The following FRYL variants were observed in gnomAD, a reference collection of about 807,000 sequenced individuals.
FRYL encodes protein furry homolog-like.
In FRYL, 150 loss-of-function variants were observed where a neutral mutation model predicts 351.2. That is an observed-to-expected ratio of 0.43 (90% CI 0.37 to 0.49). FRYL has a LOEUF of 0.49. Ranked by LOEUF, FRYL falls within the 20% of genes least tolerant of loss-of-function variation. The probability of loss-of-function intolerance (pLI) is 0.00; values close to 1 mark genes in which losing one functional copy is unlikely to be tolerated. For synonymous variants in FRYL, 1,153 were observed against 1,257.1 expected (o/e 0.92, Z 1.75); for missense variants, 3,036 against 3,619.3 (o/e 0.84, Z 4.13).
At chr4:48,586,939 A>G (rs533706033) in intron 18 of FRYL, among the ~76,000 whole-genome samples, 2 of 152,248 alleles carry the variant, frequency 1.3e-5, no homozygotes, top group South Asian at 4.1e-4. Context: ...CCAGCAAACA[A>G]AAAGGTTTTC....
chr4:48,715,389 A>C (rs1418290906), intron 1 of FRYL, among the ~76,000 whole-genome samples: 1 of 152,228 alleles, frequency 6.6e-6, no homozygotes, highest in Non-Finnish European at 1.5e-5. Flanking sequence ...GTCTCAGCCC[A>C]AAATCTCCTC....
chr4:48,549,576 G>C lies in FRYL; in HGVS notation c.4681C>G (p.His1561Asp). 6.2e-7 allele frequency: 1 copy of C among 1,613,376 alleles called. No homozygotes were observed. Among genetic ancestry groups the C allele is most frequent in the Non-Finnish European group, 8.5e-7 (1 of 1,179,566 alleles). The change falls in exon 39 of 64, where the codon CAT becomes GAT. Residue 1561 changes from histidine to aspartate, a missense_variant. Physicochemically the swap from His to Asp is moderately conservative, Grantham distance 81. Transcript: ENST00000358350. The surrounding 1 kb of genome is among the most constrained non-coding windows in gnomAD (Gnocchi z 4.2). Reference protein sequence around the residue: ...YSNWRLKVMEHNQGEPLPFPP... With the variant: ...YSNWRLKVMEDNQGEPLPFPP... Reference sequence around the variant, plus strand: ...AAGGGCAGTGGCTCTCCTTGGTTATGCTCCATCACTTTCAGTCGCCAATTA... The same window carrying C: ...AAGGGCAGTGGCTCTCCTTGGTTATCCTCCATCACTTTCAGTCGCCAATTA...
Position 48,647,586 on chromosome 4 carries a change from CACTA to C in FRYL, c.-80-13100_-80-13097del, listed in dbSNP as rs377393098. On this transcript the variant is annotated intron_variant, in intron 3 of 63. Coordinates refer to ENST00000358350, the MANE Select transcript of FRYL (RefSeq NM_015030.2). ...CGATAATCAGCTGTACTTCTCACAA[CACTA>C]ACTGTTTAGTCTCAAAAATGAAATG... Among the ~76,000 whole-genome samples, 431 of 152,262 alleles carry C rather than the reference CACTA, an allele frequency of 2.8e-3. 1 individual carries two copies. The highest frequency in any genetic ancestry group is 9.8e-3 in the African/African-American group (409 of 41,542).
At chr4:48,586,871 G>A in intron 18 of FRYL, 143 bp from the exon 19 acceptor site, 1 of 561,472 alleles carries the variant, frequency 1.8e-6, no homozygotes, top group Non-Finnish European at 3.1e-6. Flanking sequence ...CATAAATCCT[G>A]TAGATAATTA....
At chr4:48,694,763 A>G (rs1765993735) in intron 2 of FRYL, among the ~76,000 whole-genome samples, 1 of 152,158 alleles carries the variant, frequency 6.6e-6, no homozygotes. Context: ...TAATTTGTAA[A>G]TCCCTGGCCC....
At chr4:48,645,123 T>TC (rs1400437787) in intron 3 of FRYL, among the ~76,000 whole-genome samples, 1 of 40,162 alleles carries the variant, frequency 2.5e-5, no homozygotes, top group Admixed American at 2.7e-4. Context: ...GAGCTTTCAT[T>TC]TTATATATAT....
At chr4:48,660,572 C>G (rs1254790720) in intron 3 of FRYL, among the ~76,000 whole-genome samples, 1 of 152,194 alleles carries the variant, frequency 6.6e-6, no homozygotes, top group Non-Finnish European at 1.5e-5. Flanking sequence ...CTCTAATGAG[C>G]TTCCAGGGTT....
At position 48,581,490 on chromosome 4, in the gene FRYL, G is replaced by A; in HGVS notation, c.2102C>T (p.Ala701Val). 2 of 1,613,956 alleles carry A rather than the reference G, an allele frequency of 1.2e-6. No individual in the cohort carries two copies. Among genetic ancestry groups the A allele is most frequent in the South Asian group, 1.1e-5 (1 of 91,046 alleles). ...ALVILCSSRP[A>V]TRRLAVSVLR... Reference sequence around the variant, plus strand: ...GACACTGACGGCTAGTCTCCTAGTGGCAGGTCGACTGCTACAGAGAATGAC... The same window carrying A: ...GACACTGACGGCTAGTCTCCTAGTGACAGGTCGACTGCTACAGAGAATGAC... The change falls in exon 21 of 64, where the codon GCC becomes GTC. Residue 701 changes from alanine (A) to valine (V), a missense_variant. Coordinates refer to ENST00000358350, the MANE Select transcript of FRYL (RefSeq NM_015030.2).
chr4:48,501,812 ATTGTC>A (rs1719735193), intron 61 of FRYL, 79 bp from the exon 62 acceptor site: 9 of 906,132 alleles, frequency 9.9e-6, no homozygotes, highest in African/African-American at 3.3e-5. Flanking sequence ...TATAGTTAAA[ATTGTC>A]TTGTCGTTTA....
chr4:48,750,743 G>A (rs1773171720), intron 1 of FRYL, among the ~76,000 whole-genome samples: 1 of 152,168 alleles, frequency 6.6e-6, no homozygotes, highest in African/African-American at 2.4e-5. Context: ...TTATGGAGAG[G>A]GAGCTGGGGA....
At chr4:48,768,480 A>G (rs1485833831) in intron 1 of FRYL, among the ~76,000 whole-genome samples, 1 of 152,180 alleles carries the variant, frequency 6.6e-6, no homozygotes, top group Non-Finnish European at 1.5e-5. Context: ...AGGACCTAGG[A>G]CTTGGTGAAG....
rs1002993662 is a variant in FRYL, at chr4:48,499,810, A to G, written c.8784-130T>C. Reference sequence around the variant, plus strand: ...ATGATCTGTTTTAATATTTGAGCAAATATTACTCAAAGTACCACCTGAATT... The same window carrying G: ...ATGATCTGTTTTAATATTTGAGCAAGTATTACTCAAAGTACCACCTGAATT... On this transcript the variant is annotated intron_variant, in intron 63 of 63. Coordinates refer to ENST00000358350, the MANE Select transcript of FRYL (RefSeq NM_015030.2). 9.6e-6 allele frequency: 9 copies of G among 935,596 alleles called. No individual in the cohort carries two copies. The African/African-American group carries it at 1.3e-4, about 14-fold the overall frequency. The allele number at this position is 935,596 out of a possible 1,614,324, so 58.0% of individuals were successfully genotyped here.
chr4:48,585,553 T>C (rs1741930335), intron 19 of FRYL, among the ~76,000 whole-genome samples: 1 of 152,246 alleles, frequency 6.6e-6, no homozygotes, highest in Non-Finnish European at 1.5e-5. Flanking sequence ...TATTTGTTTT[T>C]TTCATCTAGG....
intron 1 of FRYL, among the ~76,000 whole-genome samples, chr4:48,722,848 A>C (rs1339392735): frequency 2.0e-5 from 3 of 152,224 alleles, no homozygotes; most frequent in Non-Finnish European, 2.9e-5. Context: ...CAATAAGACT[A>C]AGCAAGCCAA....
chr4:48,710,759 A>T (rs1410527670), intron 1 of FRYL, 61 bp from the exon 2 acceptor site: 4 of 395,206 alleles, frequency 1.0e-5, no homozygotes, highest in Non-Finnish European at 1.8e-5. Context: ...CAACATGTTA[A>T]CATTTTAGCA....
At chr4:48,534,706 A>T in intron 48 of FRYL, 21 bp from the exon 49 acceptor site, 1 of 1,423,624 alleles carries the variant, frequency 7.0e-7, no homozygotes, top group Non-Finnish European at 9.7e-7. Flanking sequence ...TGTTAAAAGT[A>T]ATATTAAAGT....
chr4:48,549,686 T>A lies in FRYL; in HGVS notation c.4634-63A>T. ...AATTTCTGCCAATATAAGCAAACTCTAGTAAGATCCCAACTATTTATATAG... is the reference window on the plus strand; with the variant it reads ...AATTTCTGCCAATATAAGCAAACTCAAGTAAGATCCCAACTATTTATATAG... On this transcript the variant is annotated intron_variant, in intron 38 of 63. Transcript: ENST00000358350. The surrounding 1 kb of genome is among the most constrained non-coding windows in gnomAD (Gnocchi z 4.2). 7.4e-7 allele frequency: 1 copy of A among 1,343,962 alleles called. No homozygotes were observed. Among genetic ancestry groups the A allele is most frequent in the Middle Eastern group, 2.2e-4 (1 of 4,522 alleles). 83.3% of individuals were successfully genotyped at this position (1,343,962 alleles called of 1,614,324 possible).
rs770807519 is a variant in FRYL, at chr4:48,586,737, T to C, written c.1641-9A>G. On this transcript the variant is annotated splice_polypyrimidine_tract_variant and intron_variant, in intron 18 of 63. Transcript: ENST00000358350. ...TGGGTTTTCTTTCCCCCCTGAAAAA[T>C]ACAACAGGATTTAATAAGAAACATA... is the stretch of plus-strand genomic sequence containing the variant. 2.0e-6 allele frequency: 3 copies of C among 1,534,004 alleles called. No individual in the cohort carries two copies. The highest frequency in any genetic ancestry group is 2.7e-6 in the Non-Finnish European group (3 of 1,114,612).
chr4:48,777,703 T>C (rs948932215), intron 1 of FRYL, among the ~76,000 whole-genome samples: 2 of 152,246 alleles, frequency 1.3e-5, no homozygotes, highest in Admixed American at 6.5e-5. Flanking sequence ...AATTCTTTTA[T>C]TGTTTAAATA....
Sources: gnomAD v4.1 joint callset for allele counts (sites outside exome capture counted in the v4.1 genomes callset) on GRCh38, gnomAD v4.1.1 for gene constraint, Gnocchi (gnomAD v3.1) non-coding constraint, MANE v1.5 for transcripts, NCBI Gene and HGNC (gene_info 2026-07-23, HGNC 2026-07-21) for gene names.